The following NRG1 variants were observed in gnomAD, a reference collection of about 807,000 sequenced individuals.
NRG1 encodes the protein pro-neuregulin-1, membrane-bound isoform.
A neutral mutation model predicts 63.8 loss-of-function variants in NRG1; 18 were observed. The ratio of observed to expected loss-of-function variants is 0.28; its 90% CI spans 0.19 to 0.42. NRG1 has a LOEUF of 0.42. NRG1 is among the 10% of genes least tolerant of loss of function. The probability of loss-of-function intolerance (pLI) is 1.00; values close to 1 mark genes in which losing one functional copy is unlikely to be tolerated. For synonymous variants in NRG1, 302 were observed against 301.3 expected (o/e 1.00, Z -0.02); for missense variants, 762 against 814.7 (o/e 0.94, Z 0.79).
chr8:32,040,496 G>A (rs1375822151), intron 1 of NRG1, among the ~76,000 whole-genome samples: 1 of 151,570 alleles, frequency 6.6e-6, no homozygotes, highest in African/African-American at 2.4e-5. Context: ...CTTGCTGTTA[G>A]TCATTATATG....
chr8:32,294,868 A>C (rs1390828280), intron 1 of NRG1, among the ~76,000 whole-genome samples: 1 of 152,202 alleles, frequency 6.6e-6, no homozygotes, highest in Non-Finnish European at 1.5e-5. Flanking sequence ...AAATAACAAG[A>C]CTAAGAACTA....
intron 1 of NRG1, among the ~76,000 whole-genome samples, chr8:31,935,653 G>C (rs1835241984): frequency 1.3e-5 from 2 of 152,182 alleles, no homozygotes; most frequent in Non-Finnish European, 2.9e-5. Context: ...AAGCAGGAGT[G>C]GAACCTCCAT....
chr8:32,016,051 C>T (rs1186508242), intron 1 of NRG1, among the ~76,000 whole-genome samples: 2 of 152,108 alleles, frequency 1.3e-5, no homozygotes, highest in Admixed American at 6.5e-5. Flanking sequence ...AACACTTAGC[C>T]TCTATATTTT....
At chr8:32,366,675 GTGTATATATATATATATATATATATA>G (rs57364302) in intron 1 of NRG1, among the ~76,000 whole-genome samples, 12,850 of 54,532 alleles carry the variant, frequency 0.24, 1,323 homozygotes, top group East Asian at 0.61. Context: ...GTGTGTGTGT[GTGTATATATATATATATATATATATA>G]TATATATATA....
chr8:32,434,184 C>CAAAAT (rs71208182), intron 1 of NRG1, among the ~76,000 whole-genome samples: 33,561 of 146,246 alleles, frequency 0.23, 4,223 homozygotes, highest in Admixed American at 0.33. Flanking sequence ...GACTCCATCT[C>CAAAAT]AAAATAAAAT....
Position 32,694,796 on chromosome 8 carries a change from T to C in NRG1, c.503-33153T>C, listed in dbSNP as rs192871491. Among the ~76,000 whole-genome samples, 4 of 152,264 alleles carry C rather than the reference T, an allele frequency of 2.6e-5. No individual in the cohort carries two copies. The East Asian group carries it at 7.7e-4, about 29-fold the overall frequency. Reference sequence around the variant, plus strand: ...TGTAGTAAAATCAAAGGAGCTTTAGTGTGTACTCATTTTACAGATTAGAAT... The same window carrying C: ...TGTAGTAAAATCAAAGGAGCTTTAGCGTGTACTCATTTTACAGATTAGAAT... On this transcript the variant is annotated intron_variant, in intron 5 of 11. Coordinates refer to ENST00000356819, the Ensembl canonical transcript of NRG1.
chr8:32,141,962 T>C (rs1272874547), intron 1 of NRG1, among the ~76,000 whole-genome samples: 3 of 152,126 alleles, frequency 2.0e-5, no homozygotes, highest in African/African-American at 7.2e-5. Context: ...AATCTTCAGC[T>C]CCGTGGGAAG....
At chr8:32,492,406 C>A (rs1034599325) in intron 1 of NRG1, among the ~76,000 whole-genome samples, 1 of 143,656 alleles carries the variant, frequency 7.0e-6, no homozygotes, top group Non-Finnish European at 1.5e-5. Context: ...GCTTTTGCCT[C>A]TTTTCTTCCC....
At chr8:32,628,820 C>T (rs2466078) in intron 5 of NRG1, among the ~76,000 whole-genome samples, 17,864 of 150,912 alleles carry the variant, frequency 0.12, 1,134 homozygotes, top group African/African-American at 0.17. Context: ...GCAACCTCTG[C>T]CTACCCGGTT....
chr8:32,018,885 A>C (rs530832689), intron 1 of NRG1, among the ~76,000 whole-genome samples: 1 of 152,230 alleles, frequency 6.6e-6, no homozygotes, highest in Non-Finnish European at 1.5e-5. Flanking sequence ...CAGGTGCTCC[A>C]CATTTAATAT....
At chr8:32,217,278 A>G (rs1171538913) in intron 1 of NRG1, among the ~76,000 whole-genome samples, 3 of 151,138 alleles carry the variant, frequency 2.0e-5, no homozygotes, top group African/African-American at 7.3e-5. Context: ...TGCAGAGCCC[A>G]GAAATTCTGA....
At chr8:32,020,562 A>G (rs761679220) in intron 1 of NRG1, among the ~76,000 whole-genome samples, 31 of 152,136 alleles carry the variant, frequency 2.0e-4, no homozygotes, top group Non-Finnish European at 4.4e-4. Flanking sequence ...TCAGAAATGC[A>G]CTCAGTCTAT....
chr8:32,183,064 A>G (rs1227436249), intron 1 of NRG1, among the ~76,000 whole-genome samples: 1 of 152,214 alleles, frequency 6.6e-6, no homozygotes. Context: ...CCATAGTTAG[A>G]TTTCTCATTT....
chr8:32,684,720 CATT>C (rs1809619104), intron 5 of NRG1, among the ~76,000 whole-genome samples: 2 of 151,966 alleles, frequency 1.3e-5, no homozygotes, highest in African/African-American at 4.8e-5. Flanking sequence ...CAATGCTTAG[CATT>C]GATTTTTTGA....
At chr8:32,538,832 T>G (rs890908668) in intron 1 of NRG1, among the ~76,000 whole-genome samples, 2 of 152,222 alleles carry the variant, frequency 1.3e-5, no homozygotes, top group Non-Finnish European at 2.9e-5. Context: ...TGAGGCATCA[T>G]TACTGCATGG....
rs1011665875 is a variant in NRG1 at position 32,362,767 on chromosome 8, A to G, written c.38-233061A>G. On this transcript the variant is annotated intron_variant, in intron 1 of 10. Transcript: ENST00000519301. ...CTTGAAAAAATGCAATTTATAAAGC[A>G]GAAGTTGTACAGATGCCATGGAAGA... 2.0e-5 allele frequency among the ~76,000 whole-genome samples: 3 copies of G among 152,254 alleles called. No individual in the cohort carries two copies. The South Asian group carries it at 6.2e-4, about 32-fold the overall frequency.
At chr8:31,843,766 C>T (rs1826414721) in intron 1 of NRG1, among the ~76,000 whole-genome samples, 1 of 152,186 alleles carries the variant, frequency 6.6e-6, no homozygotes, top group Non-Finnish European at 1.5e-5. Context: ...ATAGTTTAAA[C>T]TTTCATTACA....
intron 5 of NRG1, among the ~76,000 whole-genome samples, chr8:32,648,706 A>G (rs796299577): frequency 3.3e-5 from 5 of 152,324 alleles, no homozygotes; most frequent in African/African-American, 9.6e-5. Context: ...TTTAAAATTA[A>G]AACATCACGC....
chr8:32,518,813 A>G (rs1830073642), intron 1 of NRG1, among the ~76,000 whole-genome samples: 1 of 152,226 alleles, frequency 6.6e-6, no homozygotes, highest in African/African-American at 2.4e-5. Context: ...AAAGTTGACT[A>G]CAAAGATGTG....
Sources: allele counts gnomAD v4.1 joint callset (sites outside exome capture counted in the v4.1 genomes callset), GRCh38; gene constraint gnomAD v4.1.1; transcripts MANE v1.5; gene names NCBI Gene and HGNC (gene_info 2026-07-23, HGNC 2026-07-21).